KLHL32: variants seen among roughly 807,000 people sequenced by gnomAD.
KLHL32 encodes the protein kelch-like protein 32.
KLHL32 carries 35 observed loss-of-function variants against 64.8 expected under a neutral mutation model. The ratio of observed to expected loss-of-function variants is 0.54; its 90% CI spans 0.41 to 0.72. The LOEUF is 0.72. Ranked by LOEUF, KLHL32 falls within the 30% of genes least tolerant of loss-of-function variation. The pLI is 0.00. For missense variants in KLHL32, 589 were observed against 768.5 expected, an observed-to-expected ratio of 0.77 and a Z score of 2.76; for synonymous variants, 259 against 281.0, an observed-to-expected ratio of 0.92 and a Z score of 0.78.
intron 1 of KLHL32, among the ~76,000 whole-genome samples, chr6:96,943,997 T>C (rs944322329): frequency 2.6e-5 from 4 of 152,196 alleles, no homozygotes; most frequent in African/African-American, 9.7e-5. Context: ...ACCTGTGGTC[T>C]CATTTTTCAG....
At chr6:97,040,748 T>C (rs1784989935) in intron 3 of KLHL32, among the ~76,000 whole-genome samples, 2 of 152,128 alleles carry the variant, frequency 1.3e-5, no homozygotes, top group African/African-American at 2.4e-5. Context: ...AGAGACCAGA[T>C]GGAGGGTAAT....
intron 10 of KLHL32, among the ~76,000 whole-genome samples, chr6:97,135,471 A>T (rs188631762): frequency 7.3e-4 from 111 of 151,508 alleles, no homozygotes; most frequent in Non-Finnish European, 1.2e-3. Flanking sequence ...ATGCCCAGCT[A>T]ATTTTTTGTA....
At chr6:96,942,935 A>G (rs2128000922) in intron 1 of KLHL32, among the ~76,000 whole-genome samples, 1 of 152,042 alleles carries the variant, frequency 6.6e-6, no homozygotes, top group South Asian at 2.1e-4. Flanking sequence ...CCCACATGCC[A>G]CAGTTAAAAA....
chr6:97,047,638 G>C (rs1267570105), intron 4 of KLHL32, among the ~76,000 whole-genome samples: 1 of 152,158 alleles, frequency 6.6e-6, no homozygotes, highest in African/African-American at 2.4e-5. Flanking sequence ...TCATGTTTCA[G>C]ACCAGTCCTG....
chr6:97,117,093 T>C (rs917489418), intron 7 of KLHL32, among the ~76,000 whole-genome samples: 1 of 152,196 alleles, frequency 6.6e-6, no homozygotes, highest in Non-Finnish European at 1.5e-5. Context: ...GCCCAGCTTA[T>C]AATAAATCAA....
At chr6:97,091,716 T>C (rs925073197) in intron 6 of KLHL32, among the ~76,000 whole-genome samples, 5 of 152,354 alleles carry the variant, frequency 3.3e-5, no homozygotes, top group African/African-American at 1.2e-4. Flanking sequence ...TTTTGTTCAA[T>C]GCTTTGCTTA....
chr6:96,970,966 T>C (rs1043510920), intron 2 of KLHL32, among the ~76,000 whole-genome samples: 4 of 152,186 alleles, frequency 2.6e-5, no homozygotes, highest in Admixed American at 6.5e-5. Context: ...TGATTTAAGA[T>C]GCTCACTTGA....
chr6:97,068,383 TAG>T (rs893361690), intron 5 of KLHL32, among the ~76,000 whole-genome samples: 1 of 152,190 alleles, frequency 6.6e-6, no homozygotes, highest in African/African-American at 2.4e-5. Flanking sequence ...GATAGGAATA[TAG>T]GTTTAATATC....
intron 2 of KLHL32, among the ~76,000 whole-genome samples, chr6:96,971,690 G>A (rs886993775): frequency 3.3e-5 from 5 of 152,114 alleles, no homozygotes; most frequent in African/African-American, 1.2e-4. Flanking sequence ...AGTTCGCACA[G>A]GCAGCCTGAC....
chr6:97,116,054 G>C (rs1315381122), intron 7 of KLHL32, among the ~76,000 whole-genome samples: 1 of 152,108 alleles, frequency 6.6e-6, no homozygotes, highest in Non-Finnish European at 1.5e-5. Flanking sequence ...TCTGAGCGGT[G>C]CCTCAGTTAT....
intron 3 of KLHL32, among the ~76,000 whole-genome samples, chr6:96,976,850 C>T (rs899151945): frequency 2.0e-5 from 3 of 152,120 alleles, no homozygotes; most frequent in Non-Finnish European, 4.4e-5. Flanking sequence ...CTGCCCGCCT[C>T]GGCCTCCCAA....
At chr6:97,011,633 A>G (rs1017242239) in intron 3 of KLHL32, among the ~76,000 whole-genome samples, 11 of 152,222 alleles carry the variant, frequency 7.2e-5, no homozygotes, top group African/African-American at 1.2e-4. Flanking sequence ...AAAAATAGAT[A>G]CATATTCAGA....
chr6:96,901,661 C>T, the KLHL32 span, among the ~76,000 whole-genome samples: 6 of 152,176 alleles, frequency 3.9e-5, no homozygotes, highest in South Asian at 1.2e-3. Flanking sequence ...CGGTTTGCTG[C>T]ACAGATCATC....
intron 1 of KLHL32, among the ~76,000 whole-genome samples, chr6:96,962,026 A>G (rs1773937006): frequency 6.6e-6 from 1 of 152,146 alleles, no homozygotes; most frequent in Non-Finnish European, 1.5e-5. Flanking sequence ...TTAGTTATGT[A>G]TTTTTCGGTC....
rs1455880197 is a variant in KLHL32 at position 96,971,737 on chromosome 6, A to G, written c.24-4260A>G. On this transcript the variant is annotated intron_variant, in intron 2 of 10. Transcript: ENST00000369261. ...AAAGCCGTTACAGTGTTCAGGTGGA[A>G]AAAAACAGAGGGACATATATCCCTG... Among the ~76,000 whole-genome samples the G allele has an allele frequency of 3.3e-5, 5 of 152,172 alleles. No individual in the cohort carries two copies. The South Asian group carries it at 1.0e-3, about 32-fold the overall frequency.
intron 3 of KLHL32, chr6:97,025,091 C>T (rs1051485868): frequency 2.4e-5 from 24 of 985,008 alleles, no homozygotes; most frequent in South Asian, 4.7e-5. Flanking sequence ...TAGTGTTGAG[C>T]GAAGGCAGAT....
chr6:96,922,901 C>T (rs920626980), upstream of KLHL32, among the ~76,000 whole-genome samples: 1 of 152,028 alleles, frequency 6.6e-6, no homozygotes, highest in Non-Finnish European at 1.5e-5. Context: ...TACTAAGGAG[C>T]CATTTAGGAA....
At chr6:96,983,757 T>G (rs1168577608) in intron 3 of KLHL32, among the ~76,000 whole-genome samples, 3 of 152,196 alleles carry the variant, frequency 2.0e-5, no homozygotes, top group African/African-American at 7.2e-5. Context: ...TGCGTCTATT[T>G]CATTCTTCTT....
chr6:97,057,096 A>T (rs1788065846), intron 4 of KLHL32, among the ~76,000 whole-genome samples: 1 of 151,928 alleles, frequency 6.6e-6, no homozygotes, highest in Non-Finnish European at 1.5e-5. Flanking sequence ...ATTTTTAGAA[A>T]TTAATACCCC....
Sources: allele counts gnomAD v4.1 joint callset (sites outside exome capture counted in the v4.1 genomes callset), GRCh38; gene constraint gnomAD v4.1.1; transcripts MANE v1.5; gene names NCBI Gene and HGNC (gene_info 2026-07-23, HGNC 2026-07-21).